PACS1: variants seen among roughly 807,000 people sequenced by gnomAD.
PACS1 encodes the protein phosphofurin acidic cluster sorting protein 1, also known as PACS-1.
Under a neutral mutation model 115.0 loss-of-function variants are expected in PACS1, and 24 were observed. That is an observed-to-expected ratio of 0.21 (90% CI 0.15 to 0.29). The LOEUF is 0.29. Ranked by LOEUF, PACS1 falls within the 10% of genes least tolerant of loss-of-function variation. The probability of loss-of-function intolerance (pLI) is 1.00; values close to 1 mark genes in which losing one functional copy is unlikely to be tolerated. For synonymous variants in PACS1, 453 were observed against 504.5 expected (o/e 0.90, Z 1.37); for missense variants, 838 against 1,251.2 (o/e 0.67, Z 4.98).
chr11:66,120,896 T>G, intron 1 of PACS1: 1 of 408,076 alleles, frequency 2.5e-6, no homozygotes, highest in East Asian at 7.3e-5. Context: ...AGGGACGTCT[T>G]CATGAAGTCC....
Position 66,070,805 on chromosome 11 carries a change from T to C in PACS1, c.319T>C (p.Trp107Arg), listed in dbSNP as rs1195256412. Residue 107 changes from tryptophan to arginine, a missense_variant, in exon 1 of 24, where the codon TGG becomes CGG. Physicochemically the swap from Trp to Arg is moderately radical, Grantham distance 101. Around this residue, in one of 6 missense-constraint regions of PACS1, gnomAD observed 223 missense variants for 354.0 expected, o/e 0.63. Coordinates refer to ENST00000320580, the MANE Select transcript of PACS1 (RefSeq NM_018026.4). This position sits in a 1 kb window ranked among gnomAD's most constrained non-coding sequence, Gnocchi z 5.9. ...APVQMNLYAT[W>R]EVDRSSSSCV... ...GGTGCAGATGAACCTGTACGCCACC[T>C]GGGAGGTGGACCGGAGCTCGTCCAG... is the stretch of plus-strand genomic sequence containing the variant. 1 of 1,504,530 alleles carries C rather than the reference T, an allele frequency of 6.6e-7. No individual in the cohort carries two copies. The highest frequency in any genetic ancestry group is 8.8e-7 in the Non-Finnish European group (1 of 1,133,192). The allele number at this position is 1,504,530 out of a possible 1,614,324, so 93.2% of individuals were successfully genotyped here. A position where few individuals can be genotyped will look rare whatever the true frequency, so the allele number is the denominator to read the frequency against.
chr11:66,092,672 T>G (rs1334824161), intron 1 of PACS1, among the ~76,000 whole-genome samples: 3 of 152,208 alleles, frequency 2.0e-5, no homozygotes, highest in African/African-American at 7.2e-5. Flanking sequence ...CGTTTAAGTC[T>G]TTAATCCATC....
At chr11:66,109,929 A>G (rs779727271) in intron 1 of PACS1, among the ~76,000 whole-genome samples, 14 of 152,200 alleles carry the variant, frequency 9.2e-5, no homozygotes, top group Admixed American at 2.0e-4. Flanking sequence ...CTGATGCAGT[A>G]TTTTGTGAAG....
chr11:66,216,727 A>G lies in PACS1; in HGVS notation c.930A>G (p.Lys310=). ...DLFYEDEDLR[K]VKKTRRKLTS... ...TCTACGAAGACGAAGATCTCCGGAA[A>G]GTGAAGAAGACCCGGAGGAAACTAA... is the stretch of plus-strand genomic sequence containing the variant. The change falls in exon 7 of 24, where the codon AAA becomes AAG. Residue 310 remains lysine (K), a synonymous_variant. Transcript: ENST00000320580. 6.2e-7 allele frequency: 1 copy of G among 1,614,092 alleles called. No homozygotes were observed. The highest frequency in any genetic ancestry group is 1.6e-4 in the Middle Eastern group (1 of 6,062).
intron 1 of PACS1, among the ~76,000 whole-genome samples, chr11:66,107,450 T>C (rs1296376772): frequency 6.6e-6 from 1 of 152,192 alleles, no homozygotes; most frequent in African/African-American, 2.4e-5. Flanking sequence ...GCTGATTGTT[T>C]ACTGTCTCCC....
intron 1 of PACS1, among the ~76,000 whole-genome samples, chr11:66,086,262 C>T (rs1158157633): frequency 1.3e-5 from 2 of 151,834 alleles, no homozygotes; most frequent in Non-Finnish European, 2.9e-5. Context: ...CCTCAGCCTC[C>T]CGAGTAGCTG....
chr11:66,229,354 A>G (rs1272970904), intron 11 of PACS1, among the ~76,000 whole-genome samples: 1 of 152,022 alleles, frequency 6.6e-6, no homozygotes, highest in Non-Finnish European at 1.5e-5. Context: ...ATGCCACTGC[A>G]CTCCAGGCTG....
At chr11:66,089,379 AG>A (rs1303688461) in intron 1 of PACS1, among the ~76,000 whole-genome samples, 1 of 152,190 alleles carries the variant, frequency 6.6e-6, no homozygotes, top group Non-Finnish European at 1.5e-5. Flanking sequence ...ATTTTTTTGC[AG>A]GAAGAGACCT....
At chr11:66,145,745 A>G (rs1020588700) in intron 1 of PACS1, among the ~76,000 whole-genome samples, 1 of 152,106 alleles carries the variant, frequency 6.6e-6, no homozygotes, top group Non-Finnish European at 1.5e-5. Context: ...TTGCTCCCTA[A>G]CCCTGCACAG....
chr11:66,073,102 A>C (rs1170772369), intron 1 of PACS1, among the ~76,000 whole-genome samples: 1 of 152,232 alleles, frequency 6.6e-6, no homozygotes, highest in Non-Finnish European at 1.5e-5. Flanking sequence ...GAGCTTGTCC[A>C]CTGTCCTGCT....
chr11:66,171,311 T>C (rs1454535453), intron 1 of PACS1, among the ~76,000 whole-genome samples: 15 of 150,576 alleles, frequency 1.0e-4, no homozygotes, highest in Admixed American at 6.6e-5. Flanking sequence ...TATAACTTTC[T>C]AGTCTTATTC....
At chr11:66,230,391 T>C (rs1855564708) in intron 11 of PACS1, 157 bp from the exon 12 acceptor site, 1 of 619,972 alleles carries the variant, frequency 1.6e-6, no homozygotes, top group African/African-American at 1.8e-5. Flanking sequence ...CGATTTTCCT[T>C]CGGCTGAGGC....
intron 1 of PACS1, among the ~76,000 whole-genome samples, chr11:66,145,556 G>A (rs1208265831): frequency 1.3e-5 from 2 of 152,150 alleles, no homozygotes; most frequent in African/African-American, 2.4e-5. Context: ...GGTCTGAAGG[G>A]CTGTCCACAC....
At chr11:66,193,665 C>G in intron 2 of PACS1, 92 bp downstream of exon 2, 1 of 792,116 alleles carries the variant, frequency 1.3e-6, no homozygotes, top group African/African-American at 1.7e-5. Flanking sequence ...CTGGGACCAC[C>G]TCTGTCTTCC....
intron 1 of PACS1, among the ~76,000 whole-genome samples, chr11:66,178,576 T>C (rs988470002): frequency 6.6e-6 from 1 of 152,184 alleles, no homozygotes; most frequent in East Asian, 1.9e-4. Flanking sequence ...AAAATTGAAA[T>C]AGAAATGTTT....
At chr11:66,120,259 C>T (rs1858408908) in intron 1 of PACS1, among the ~76,000 whole-genome samples, 1 of 150,888 alleles carries the variant, frequency 6.6e-6, no homozygotes, top group Non-Finnish European at 1.5e-5. Flanking sequence ...CCACTCTCGG[C>T]TAATTTTTGT....
In PACS1 at chr11:66,232,948, T is replaced by G. The variant is rs1336064189; in HGVS notation, c.1732-12T>G. ...TCACCTGTGTCCCTGCTCTCCTCCC[T>G]CCCTATCCCAGTATGTGGCTGAGCT... On this transcript the variant is annotated splice_polypyrimidine_tract_variant and intron_variant, in intron 14 of 23. Coordinates refer to ENST00000320580, the MANE Select transcript of PACS1 (RefSeq NM_018026.4). The G allele has an allele frequency of 1.2e-6, 2 of 1,602,586 alleles. No homozygotes were observed. The highest frequency in any genetic ancestry group is 1.7e-6 in the Non-Finnish European group (2 of 1,170,724).
intron 3 of PACS1, among the ~76,000 whole-genome samples, 191 bp from the exon 4 acceptor site, chr11:66,210,943 T>C (rs911173722): frequency 1.3e-5 from 2 of 152,178 alleles, no homozygotes; most frequent in African/African-American, 4.8e-5. Context: ...ACCCCAGAGC[T>C]GTGGCGTAGA....
At chr11:66,220,225 CT>C (rs1565152398) in intron 8 of PACS1, 4 of 289,306 alleles carry the variant, frequency 1.4e-5, no homozygotes, top group Non-Finnish European at 2.6e-5. Flanking sequence ...GAGAAGCAGT[CT>C]TTTCCCTGGG....
Sources: gnomAD v4.1 joint callset for allele counts (sites outside exome capture counted in the v4.1 genomes callset) on GRCh38, gnomAD v4.1.1 for gene constraint, gnomAD v4.1.1 regional missense constraint, Gnocchi (gnomAD v3.1) non-coding constraint, MANE v1.5 for transcripts, NCBI Gene and HGNC (gene_info 2026-07-23, HGNC 2026-07-21) for gene names.